Variants in TBCD observed in about 807,000 individuals in gnomAD.
TBCD encodes tubulin-specific chaperone D.
Under a neutral mutation model 169.3 loss-of-function variants are expected in TBCD, and 105 were observed. The observed-to-expected ratio is 0.62, with a 90% CI of 0.53 to 0.73. TBCD has a LOEUF of 0.73. Ranked by LOEUF, TBCD falls within the 30% of genes least tolerant of loss-of-function variation. The probability of loss-of-function intolerance (pLI) is 0.00; values close to 1 mark genes in which losing one functional copy is unlikely to be tolerated. For synonymous variants in TBCD, 700 were observed against 643.9 expected (o/e 1.09, Z -1.32); for missense variants, 1,444 against 1,600.1 (o/e 0.90, Z 1.66).
chr17:82,922,533 T>TC lies in TBCD; in HGVS notation c.2178+957dup, dbSNP rs1189349968. 1.3e-5 allele frequency among the ~76,000 whole-genome samples: 2 copies of TC among 152,202 alleles called. No homozygotes were observed. Among genetic ancestry groups the TC allele is most frequent in the Non-Finnish European group, 2.9e-5 (2 of 68,040 alleles). The stretch of plus-strand genomic sequence containing the variant: ...ATCTTCAATTTTCTTATTTTTTTTT[T>TC]CTTAAGGAACTTGAACATTCTGTAG... On this transcript the variant is annotated intron_variant, in intron 25 of 38. Transcript: ENST00000355528. The surrounding 1 kb of genome is among the most constrained non-coding windows in gnomAD (Gnocchi z 4.1).
At chr17:82,819,916 G>A (rs923157776) in intron 13 of TBCD, among the ~76,000 whole-genome samples, 6 of 151,970 alleles carry the variant, frequency 3.9e-5, no homozygotes, top group East Asian at 1.9e-4. Flanking sequence ...GAACCCTTAC[G>A]GTTTCCTTTG....
chr17:82,756,294 C>A, intron 2 of TBCD, 79 bp downstream of exon 2: 1 of 1,404,448 alleles, frequency 7.1e-7, no homozygotes, highest in Non-Finnish European at 9.9e-7. Flanking sequence ...CTGGCACATG[C>A]ATGTGCTTTG....
intron 13 of TBCD, among the ~76,000 whole-genome samples, chr17:82,846,390 G>C (rs954252698): frequency 1.3e-5 from 2 of 152,020 alleles, no homozygotes; most frequent in African/African-American, 4.8e-5. Context: ...GTGTCCTCTC[G>C]TCCAGCCCTC....
At chr17:82,765,780 C>T (rs979592849) in intron 3 of TBCD, among the ~76,000 whole-genome samples, 22 of 152,116 alleles carry the variant, frequency 1.4e-4, no homozygotes, top group African/African-American at 4.1e-4. Context: ...TGACTGATTC[C>T]GTAAATATGG....
chr17:82,762,280 C>T (rs900011181), intron 2 of TBCD, among the ~76,000 whole-genome samples: 5 of 139,144 alleles, frequency 3.6e-5, no homozygotes, highest in Admixed American at 7.6e-5. Flanking sequence ...CTTGCCACTG[C>T]ACTCCAGCCT....
At chr17:82,763,609 C>A (rs1358876438) in intron 2 of TBCD, among the ~76,000 whole-genome samples, 2 of 152,014 alleles carry the variant, frequency 1.3e-5, no homozygotes, top group African/African-American at 4.8e-5. Flanking sequence ...GGCGTGGTGA[C>A]GCGTGCCTGT....
At position 82,832,442 on chromosome 17, in the gene TBCD, T is replaced by G. The variant is rs1201501406; in HGVS notation, c.1318+17508T>G. On this transcript the variant is annotated intron_variant, in intron 13 of 38. Coordinates refer to ENST00000355528, the MANE Select transcript of TBCD (RefSeq NM_005993.5). This position sits in a 1 kb window ranked among gnomAD's most constrained non-coding sequence, Gnocchi z 4.9. The stretch of plus-strand genomic sequence containing the variant: ...TGTGGCTTTTTTGGCTTCCGCTCTT[T>G]GAGGAGACTCATTTTCCTCCTTATG... The G allele has an allele frequency of 6.2e-7, 1 of 1,611,662 alleles. No individual in the cohort carries two copies.
chr17:82,891,693 C>T (rs2059146480), intron 16 of TBCD, among the ~76,000 whole-genome samples: 1 of 151,214 alleles, frequency 6.6e-6, no homozygotes, highest in Non-Finnish European at 1.5e-5. Context: ...GTAAGAAATG[C>T]GTTACAGTGG....
intron 1 of TBCD, among the ~76,000 whole-genome samples, chr17:82,753,447 C>CTTTTTTTTTTTTTTTTT (rs59839519): frequency 1.9e-5 from 2 of 104,294 alleles, no homozygotes; most frequent in African/African-American, 3.9e-5. Flanking sequence ...TGGCTTCTTC[C>CTTTTTTTTTTTTTTTTT]TTTTTTTTTT....
At chr17:82,815,948 G>A (rs1598674296) in intron 13 of TBCD, among the ~76,000 whole-genome samples, 2 of 152,218 alleles carry the variant, frequency 1.3e-5, no homozygotes, top group South Asian at 2.1e-4. Flanking sequence ...TCATTTAAGT[G>A]TACGGTTAAG....
chr17:82,872,945 CCGG>C (rs1356187478), intron 14 of TBCD, among the ~76,000 whole-genome samples: 5 of 143,720 alleles, frequency 3.5e-5, no homozygotes, highest in African/African-American at 8.3e-5. Flanking sequence ...TGAGCCAGGC[CCGG>C]CACCTCGTGG....
At chr17:82,776,133 C>T (rs564946571) in intron 6 of TBCD, among the ~76,000 whole-genome samples, 9 of 152,184 alleles carry the variant, frequency 5.9e-5, no homozygotes, top group African/African-American at 1.9e-4. Context: ...GCAGGACAAT[C>T]GCTTGAGCCC....
chr17:82,812,520 C>T (rs1035104166), intron 12 of TBCD, among the ~76,000 whole-genome samples: 8 of 152,200 alleles, frequency 5.3e-5, no homozygotes, highest in Non-Finnish European at 1.2e-4. Context: ...GGGACTGATG[C>T]AGGTGTGAGC....
At chr17:82,908,172 C>T (rs973284119) in intron 21 of TBCD, 13 of 386,362 alleles carry the variant, frequency 3.4e-5, no homozygotes, top group South Asian at 1.4e-4. Flanking sequence ...GGTTTCCCTC[C>T]GGGGCGCGCG....
chr17:82,778,917 C>T (rs2048768444), intron 6 of TBCD, among the ~76,000 whole-genome samples: 1 of 152,200 alleles, frequency 6.6e-6, no homozygotes, highest in Non-Finnish European at 1.5e-5. Context: ...CCGTCTTGAC[C>T]TCCCAAAGTG....
At chr17:82,866,474 C>T (rs1049705019) in intron 13 of TBCD, among the ~76,000 whole-genome samples, 1 of 152,280 alleles carries the variant, frequency 6.6e-6, no homozygotes, top group African/African-American at 2.4e-5. Context: ...TTCTAGGACT[C>T]CCGGGGATGC....
At chr17:82,778,925 G>C (rs745512711) in intron 6 of TBCD, among the ~76,000 whole-genome samples, 2 of 152,174 alleles carry the variant, frequency 1.3e-5, no homozygotes, top group African/African-American at 4.8e-5. Flanking sequence ...ACCTCCCAAA[G>C]TGTTGGGATT....
At chr17:82,891,736 G>T (rs988226149) in intron 16 of TBCD, among the ~76,000 whole-genome samples, 3 of 152,042 alleles carry the variant, frequency 2.0e-5, no homozygotes, top group Non-Finnish European at 4.4e-5. Context: ...GGGATGGGGG[G>T]TGGTTGGGGA....
chr17:82,758,391 A>AAAAAAAT (rs1340624162), intron 2 of TBCD, among the ~76,000 whole-genome samples: 1 of 136,390 alleles, frequency 7.3e-6, no homozygotes, highest in African/African-American at 2.8e-5. Context: ...TCGGAAAAAA[A>AAAAAAAT]AAAAAAAAAA....
Sources: gnomAD v4.1 joint callset for allele counts (sites outside exome capture counted in the v4.1 genomes callset) on GRCh38, gnomAD v4.1.1 for gene constraint, Gnocchi (gnomAD v3.1) non-coding constraint, MANE v1.5 for transcripts, NCBI Gene and HGNC (gene_info 2026-07-23, HGNC 2026-07-21) for gene names.